PTPN11: variants seen among roughly 807,000 people sequenced by gnomAD.
The protein encoded by PTPN11 is protein tyrosine phosphatase non-receptor type 11.
Under a neutral mutation model 78.8 loss-of-function variants are expected in PTPN11, and 6 were observed. The observed-to-expected ratio is 0.08, with a 90% CI of 0.04 to 0.15. The LOEUF (loss-of-function observed/expected upper bound fraction) is 0.15. Ranked by LOEUF, PTPN11 falls within the 10% of genes least tolerant of loss-of-function variation. The pLI, the probability that PTPN11 is intolerant of heterozygous loss-of-function variation, is 1.00. For missense variants in PTPN11, 386 were observed against 744.8 expected, an observed-to-expected ratio of 0.52 and a Z score of 5.61; for synonymous variants, 221 against 263.5, an observed-to-expected ratio of 0.84 and a Z score of 1.56.
chr12:112,454,385 G>T (rs2038122319), intron 4 of PTPN11, among the ~76,000 whole-genome samples, 179 bp from the exon 5 acceptor site: 1 of 152,108 alleles, frequency 6.6e-6, no homozygotes, highest in South Asian at 2.1e-4. Flanking sequence ...CTCCCAAAGT[G>T]CTGGAATTAC....
chr12:112,503,552 A>G (rs544506744), intron 14 of PTPN11, among the ~76,000 whole-genome samples: 4 of 152,250 alleles, frequency 2.6e-5, no homozygotes, highest in African/African-American at 9.6e-5. Flanking sequence ...ACTTCTTTCT[A>G]TCTTTTTTCT....
rs2038619769 is a variant in PTPN11 at position 112,482,966 on chromosome 12, A to T, written c.1224+761A>T. 6.6e-6 allele frequency among the ~76,000 whole-genome samples: 1 copy of T among 152,128 alleles called. No homozygotes were observed. The highest frequency in any genetic ancestry group is 2.4e-5 in the African/African-American group (1 of 41,422). ...TGGACATTCATCTATTCATTCAGAG[A>T]TATTTGTTCAATGACCTCTTGGTTC... On this transcript the variant is annotated intron_variant, in intron 10 of 15. Transcript: ENST00000351677. The surrounding 1 kb of genome is among the most constrained non-coding windows in gnomAD (Gnocchi z 4.4).
chr12:112,460,226 G>T (rs770702152), intron 6 of PTPN11, among the ~76,000 whole-genome samples: 6 of 152,170 alleles, frequency 3.9e-5, no homozygotes, highest in Non-Finnish European at 8.8e-5. Flanking sequence ...GGGATTACAG[G>T]CATGAGCCAC....
Position 112,446,344 on chromosome 12 carries a change from G to A in PTPN11, c.83G>A (p.Ser28Asn), listed in dbSNP as rs2135856451. 1 of 1,614,116 alleles carries A rather than the reference G, an allele frequency of 6.2e-7. No individual in the cohort carries two copies. Among genetic ancestry groups the A allele is most frequent in the Non-Finnish European group, 8.5e-7 (1 of 1,179,986 alleles). ...NLLLTRGVDG[S>N]FLARPSKSNP... ...CTGTTGACAAGAGGAGTTGATGGCA[G>A]TTTTTTGGCAAGGCCTAGTAAAAGT... Residue 28 changes from serine to asparagine, a missense_variant, in exon 2 of 16, where the codon AGT becomes AAT. By Grantham distance (46) the Ser-to-Asn change is conservative (BLOSUM62 1). Coordinates refer to ENST00000351677, the MANE Select transcript of PTPN11 (RefSeq NM_002834.5).
intron 11 of PTPN11, among the ~76,000 whole-genome samples, chr12:112,488,197 G>A (rs1179378284): frequency 6.6e-6 from 1 of 152,160 alleles, no homozygotes; most frequent in Non-Finnish European, 1.5e-5. Flanking sequence ...CAGAAATTAA[G>A]GGTCAGAGAG....
At chr12:112,466,840 A>G (rs1480962880) in intron 6 of PTPN11, among the ~76,000 whole-genome samples, 2 of 152,164 alleles carry the variant, frequency 1.3e-5, no homozygotes, top group Non-Finnish European at 2.9e-5. Context: ...CGAAATGGTC[A>G]TTAGGGCATC....
At chr12:112,497,132 A>G (rs1280114330) in intron 13 of PTPN11, among the ~76,000 whole-genome samples, 2 of 149,982 alleles carry the variant, frequency 1.3e-5, no homozygotes, top group African/African-American at 2.5e-5. Context: ...AGATTGAGCC[A>G]CTGCACTCCA....
chr12:112,468,855 T>A (rs1316281991), intron 6 of PTPN11, among the ~76,000 whole-genome samples: 1 of 152,132 alleles, frequency 6.6e-6, no homozygotes, highest in Non-Finnish European at 1.5e-5. Context: ...CTGGAGTCCT[T>A]GAGTGCGAGA....
intron 13 of PTPN11, among the ~76,000 whole-genome samples, chr12:112,500,694 C>T (rs867038640): frequency 3.3e-5 from 5 of 152,192 alleles, no homozygotes; most frequent in Admixed American, 2.6e-4. Flanking sequence ...CAGGTTCAAG[C>T]GATTCTCATG....
At chr12:112,439,642 G>A (rs2037850402) in intron 1 of PTPN11, among the ~76,000 whole-genome samples, 1 of 151,844 alleles carries the variant, frequency 6.6e-6, no homozygotes, top group South Asian at 2.1e-4. Flanking sequence ...CTAATTTTTT[G>A]TATTTTTAGT....
At chr12:112,462,531 AAAAAACAAAGTGTATTC>A (rs2038264514) in intron 6 of PTPN11, among the ~76,000 whole-genome samples, 1 of 152,170 alleles carries the variant, frequency 6.6e-6, no homozygotes, top group African/African-American at 2.4e-5. Flanking sequence ...AGTCAAATTG[AAAAAACAAAGTGTATTC>A]AAAGAAGTCT....
At chr12:112,501,292 T>C (rs535276585) in intron 13 of PTPN11, among the ~76,000 whole-genome samples, 7 of 152,066 alleles carry the variant, frequency 4.6e-5, no homozygotes, top group South Asian at 2.1e-4. Context: ...CTTTGCCTTT[T>C]CCCCCCCAGG....
chr12:112,443,689 G>C (rs1479920797), intron 1 of PTPN11, among the ~76,000 whole-genome samples: 1 of 133,942 alleles, frequency 7.5e-6, no homozygotes, highest in Non-Finnish European at 1.6e-5. Context: ...GTCTTATTCT[G>C]TTGCCTGGCC....
intron 6 of PTPN11, among the ~76,000 whole-genome samples, chr12:112,470,243 T>G (rs1021068049): frequency 6.6e-6 from 1 of 152,202 alleles, no homozygotes; most frequent in African/African-American, 2.4e-5. Flanking sequence ...ATGCTGCTGG[T>G]CTACAGACCA....
chr12:112,419,039 G>A lies in PTPN11; in HGVS notation c.-73G>A. On this transcript the variant is annotated 5_prime_UTR_variant, in exon 1 of 16. Transcript: ENST00000351677. ...TCCCGAGCGGGCCTCCCTCGGGCCA[G>A]CCCGATGTGACCGAGCCCAGCGGAG... 1 of 1,530,186 alleles carries A rather than the reference G, an allele frequency of 6.5e-7. No homozygotes were observed. The allele number at this position is 1,530,186 out of a possible 1,614,324, so 94.8% of individuals were successfully genotyped here.
At chr12:112,439,815 C>G (rs1321804972) in intron 1 of PTPN11, among the ~76,000 whole-genome samples, 3 of 151,210 alleles carry the variant, frequency 2.0e-5, no homozygotes, top group Non-Finnish European at 4.4e-5. Context: ...AAAAAAAAAC[C>G]CAAACCATAA....
At chr12:112,492,727 C>G (rs1227875746) in intron 13 of PTPN11, among the ~76,000 whole-genome samples, 1 of 152,038 alleles carries the variant, frequency 6.6e-6, no homozygotes, top group Non-Finnish European at 1.5e-5. Context: ...CCGTGTTAGC[C>G]AGGATGGTCT....
At position 112,509,522 on chromosome 12, in the gene PTPN11, A is replaced by G. The variant is rs1438460836; in HGVS notation, c.*3730A>G. ...TTAATTTTCCTGCAGTATATGAAGTATTGTACCAGAGTATTAAAAGATATG... is the reference window on the plus strand; with the variant it reads ...TTAATTTTCCTGCAGTATATGAAGTGTTGTACCAGAGTATTAAAAGATATG... On this transcript the variant is annotated 3_prime_UTR_variant, in exon 16 of 16. Coordinates refer to ENST00000351677, the MANE Select transcript of PTPN11 (RefSeq NM_002834.5). The G allele has an allele frequency of 1.3e-5, 2 of 152,656 alleles. No homozygotes were observed. Among genetic ancestry groups the G allele is most frequent in the Non-Finnish European group, 2.9e-5 (2 of 68,034 alleles). 9.5% of individuals were successfully genotyped at this position (152,656 alleles called of 1,614,324 possible). A position where few individuals can be genotyped will look rare whatever the true frequency, so the allele number is the denominator to read the frequency against.
At position 112,504,612 on chromosome 12, in the gene PTPN11, G is replaced by A. The variant is rs1022231777; in HGVS notation, c.1713-83G>A. 2.0e-6 allele frequency: 2 copies of A among 1,007,172 alleles called. No homozygotes were observed. Among genetic ancestry groups the A allele is most frequent in the African/African-American group, 1.6e-5 (1 of 62,098 alleles). 62.4% of individuals were successfully genotyped at this position (1,007,172 alleles called of 1,614,324 possible). ...CCATATCTGGTGCCCAAAGAATGTA[G>A]TATGTGTTTTATAGATATCATGTAA... On this transcript the variant is annotated intron_variant, in intron 14 of 15. Coordinates refer to ENST00000351677, the MANE Select transcript of PTPN11 (RefSeq NM_002834.5). The surrounding 1 kb of genome is among the most constrained non-coding windows in gnomAD (Gnocchi z 4.7).
Sources: gnomAD v4.1 joint callset for allele counts (sites outside exome capture counted in the v4.1 genomes callset) on GRCh38, gnomAD v4.1.1 for gene constraint, Gnocchi (gnomAD v3.1) non-coding constraint, MANE v1.5 for transcripts, NCBI Gene and HGNC (gene_info 2026-07-23, HGNC 2026-07-21) for gene names.